NSG2: variants seen among roughly 807,000 people sequenced by gnomAD.
NSG2 encodes the protein neuronal vesicle trafficking associated 2.
A neutral mutation model predicts 16.9 loss-of-function variants in NSG2; 4 were observed. The observed-to-expected ratio is 0.24, with a 90% CI of 0.12 to 0.54. NSG2 has a LOEUF of 0.54. Ranked by LOEUF, NSG2 falls within the 20% of genes least tolerant of loss-of-function variation. The pLI is 0.95. For missense variants in NSG2, 179 were observed against 221.1 expected (o/e 0.81, Z 1.21); for synonymous variants, 98 against 88.7 (o/e 1.11, Z -0.59).
At chr5:174,098,866 A>G (rs2113474106) in intron 3 of NSG2, among the ~76,000 whole-genome samples, 1 of 152,276 alleles carries the variant, frequency 6.6e-6, no homozygotes, top group Admixed American at 6.5e-5. Context: ...GAAACCCTCC[A>G]ATGTAGCGCT....
At chr5:174,106,583 C>CTTTTTTTTTTTT (rs752375646) in intron 4 of NSG2, among the ~76,000 whole-genome samples, 1 of 93,470 alleles carries the variant, frequency 1.1e-5, no homozygotes, top group Non-Finnish European at 2.1e-5. Flanking sequence ...GGAATGAAGC[C>CTTTTTTTTTTTT]TTTTTTTTTT....
At chr5:174,077,777 T>C (rs549632160) in intron 3 of NSG2, among the ~76,000 whole-genome samples, 2 of 152,336 alleles carry the variant, frequency 1.3e-5, no homozygotes, top group African/African-American at 4.8e-5. Flanking sequence ...GCCTGGGCTC[T>C]TGCGGACAGA....
At chr5:174,075,416 G>A (rs1260224468) in intron 3 of NSG2, among the ~76,000 whole-genome samples, 1 of 152,082 alleles carries the variant, frequency 6.6e-6, no homozygotes, top group African/African-American at 2.4e-5. Context: ...TTGGGGAATT[G>A]GCTAAATTAA....
chr5:174,090,068 G>A (rs1250958133), intron 3 of NSG2, among the ~76,000 whole-genome samples: 1 of 152,108 alleles, frequency 6.6e-6, no homozygotes, highest in African/African-American at 2.4e-5. Flanking sequence ...GATATGGAAT[G>A]CCTTCTCCTG....
chr5:174,070,266 A>G (rs1468690358), intron 3 of NSG2, among the ~76,000 whole-genome samples: 1 of 152,152 alleles, frequency 6.6e-6, no homozygotes, highest in Non-Finnish European at 1.5e-5. Context: ...ATGCTTTTAC[A>G]TCTACTTTTC....
rs79756721 is a variant in NSG2 at position 174,055,057 on chromosome 5, C to G, written c.129+8173C>G. Among the ~76,000 whole-genome samples the G allele has an allele frequency of 9.4e-3, 1,425 of 152,224 alleles. 17 individuals are homozygous for G. The highest frequency in any genetic ancestry group is 0.068 in the East Asian group (351 of 5,154). ...TTGTTCTTAACATGATCTATTTAGT[C>G]CCAGAAACAGGTTCCCTGTTTCCGG... On this transcript the variant is annotated intron_variant, in intron 2 of 4. Transcript: ENST00000303177.
intron 3 of NSG2, among the ~76,000 whole-genome samples, chr5:174,070,812 C>T (rs1760225947): frequency 6.6e-6 from 1 of 152,186 alleles, no homozygotes; most frequent in South Asian, 2.1e-4. Flanking sequence ...CACCTGCAGC[C>T]CCCTCTAGCT....
In NSG2 at chr5:174,108,276, T is replaced by C; in HGVS notation, c.*771T>C. ...GATTTTCTTTGTCTTTTGCTTGCAT[T>C]TTCTAGATCCACACCTGGATACTGC... On this transcript the variant is annotated 3_prime_UTR_variant, in exon 5 of 5. Coordinates refer to ENST00000303177, the MANE Select transcript of NSG2 (RefSeq NM_015980.5). 1 of 155,574 alleles carries C rather than the reference T, an allele frequency of 6.4e-6. No homozygotes were observed. The highest frequency in any genetic ancestry group is 1.4e-5 in the Non-Finnish European group (1 of 69,958). 9.6% of individuals were successfully genotyped at this position (155,574 alleles called of 1,614,324 possible). A position where few individuals can be genotyped will look rare whatever the true frequency, so the allele number is the denominator to read the frequency against.
At chr5:174,086,178 C>T (rs1364483872) in intron 3 of NSG2, among the ~76,000 whole-genome samples, 1 of 152,228 alleles carries the variant, frequency 6.6e-6, no homozygotes, top group Non-Finnish European at 1.5e-5. Flanking sequence ...AGTCACACTC[C>T]TGGCCTCACC....
intron 2 of NSG2, among the ~76,000 whole-genome samples, chr5:174,062,943 G>A (rs1470077538): frequency 2.0e-5 from 3 of 152,332 alleles, no homozygotes; most frequent in African/African-American, 7.2e-5. Flanking sequence ...ATGGGAAGTA[G>A]GAGTGATCAT....
intron 2 of NSG2, 33 bp from the exon 3 acceptor site, chr5:174,064,199 C>G: frequency 6.9e-7 from 1 of 1,440,374 alleles, no homozygotes; most frequent in Non-Finnish European, 9.5e-7. Context: ...TTCAAGTCTC[C>G]ATGCATGCTA....
intron 3 of NSG2, among the ~76,000 whole-genome samples, chr5:174,096,558 G>A (rs949983240): frequency 1.3e-5 from 2 of 152,206 alleles, no homozygotes; most frequent in Admixed American, 6.5e-5. Flanking sequence ...TCATCCTGTA[G>A]GTGTGGTGGC....
intron 3 of NSG2, among the ~76,000 whole-genome samples, chr5:174,080,511 C>CTTT (rs1561668565): frequency 1.1e-3 from 148 of 134,038 alleles, no homozygotes; most frequent in Non-Finnish European, 1.5e-3. Flanking sequence ...TTCTTTCTTT[C>CTTT]CCTCTTTCTT....
At chr5:174,087,553 G>A (rs1037727059) in intron 3 of NSG2, among the ~76,000 whole-genome samples, 4 of 152,118 alleles carry the variant, frequency 2.6e-5, no homozygotes, top group African/African-American at 7.2e-5. Flanking sequence ...GCTGAGGTAG[G>A]AGGGTTACTT....
At chr5:174,076,771 G>A (rs752045356) in intron 3 of NSG2, among the ~76,000 whole-genome samples, 4 of 152,258 alleles carry the variant, frequency 2.6e-5, no homozygotes, top group Non-Finnish European at 2.9e-5. Flanking sequence ...GTCACAGCTG[G>A]GGGTAGGGAT....
At chr5:174,080,763 A>G (rs1318578776) in intron 3 of NSG2, among the ~76,000 whole-genome samples, 1 of 152,022 alleles carries the variant, frequency 6.6e-6, no homozygotes, top group African/African-American at 2.4e-5. Flanking sequence ...GGGTTTTACC[A>G]TATTGGCCAG....
intron 2 of NSG2, among the ~76,000 whole-genome samples, chr5:174,057,418 A>G (rs1759982469): frequency 1.3e-5 from 2 of 152,224 alleles, no homozygotes; most frequent in South Asian, 4.2e-4. Flanking sequence ...CAGAGTACTA[A>G]AAAAAAGGAA....
At chr5:174,093,057 A>G (rs1760744563) in intron 3 of NSG2, among the ~76,000 whole-genome samples, 1 of 152,204 alleles carries the variant, frequency 6.6e-6, no homozygotes, top group Non-Finnish European at 1.5e-5. Flanking sequence ...GTAGGTTTAT[A>G]GGCAGTCTAA....
Position 174,107,452 on chromosome 5 carries a change from T to A in NSG2, c.463T>A (p.Ser155Thr). ...STARAIGPWL[S>T]AAAVIHEPKP... ...TGCCCGGGCCATCGGGCCGTGGCTGTCAGCAGCCGCTGTCATCCATGAGCC... is the reference window on the plus strand; with the variant it reads ...TGCCCGGGCCATCGGGCCGTGGCTGACAGCAGCCGCTGTCATCCATGAGCC... The change falls in exon 5 of 5, where the codon TCA becomes ACA. Residue 155 changes from serine to threonine, a missense_variant. Ser to Thr is a moderately conservative substitution (Grantham distance 58). Coordinates refer to ENST00000303177, the MANE Select transcript of NSG2 (RefSeq NM_015980.5). This position sits in a 1 kb window ranked among gnomAD's most constrained non-coding sequence, Gnocchi z 4.5. 9 of 1,611,076 alleles carry A rather than the reference T, an allele frequency of 5.6e-6. No homozygotes were observed. The highest frequency in any genetic ancestry group is 7.6e-6 in the Non-Finnish European group (9 of 1,178,550).
Sources: allele counts gnomAD v4.1 joint callset (sites outside exome capture counted in the v4.1 genomes callset), GRCh38; gene constraint gnomAD v4.1.1; non-coding constraint Gnocchi (gnomAD v3.1); transcripts MANE v1.5; gene names NCBI Gene and HGNC (gene_info 2026-07-23, HGNC 2026-07-21).